Variants in CEP44 observed in about 807,000 individuals in gnomAD.
The protein encoded by CEP44 is centrosomal protein of 44 kDa.
Under a neutral mutation model 46.7 loss-of-function variants are expected in CEP44, and 45 were observed. The ratio of observed to expected loss-of-function variants is 0.96; its 90% CI spans 0.76 to 1.24. CEP44 has a LOEUF of 1.24. Among genes scored for constraint, CEP44 ranks in the 50% most tolerant of loss-of-function variants. The probability of loss-of-function intolerance (pLI) is 0.00; values close to 1 mark genes in which losing one functional copy is unlikely to be tolerated. For synonymous variants in CEP44, 142 were observed against 146.0 expected (o/e 0.97, Z 0.20); for missense variants, 475 against 459.7 (o/e 1.03, Z -0.30).
At chr4:174,293,452 A>G (rs929232571) in intron 1 of CEP44, among the ~76,000 whole-genome samples, 15 of 152,106 alleles carry the variant, frequency 9.9e-5, no homozygotes, top group Non-Finnish European at 1.0e-4. Context: ...CTGTTCCACT[A>G]TCCTTTTCTA....
chr4:174,320,427 T>A, downstream of CEP44: 1 of 541,032 alleles, frequency 1.8e-6, no homozygotes, highest in Non-Finnish European at 2.1e-6. Flanking sequence ...TTTTATAAAC[T>A]ACAACACTTT....
chr4:174,310,013 G>C lies in CEP44; in HGVS notation c.842G>C (p.Ser281Thr), dbSNP rs762020752. 4 of 1,612,516 alleles carry C rather than the reference G, an allele frequency of 2.5e-6. No homozygotes were observed. The highest frequency in any genetic ancestry group is 3.4e-6 in the Non-Finnish European group (4 of 1,179,080). Reference protein sequence around the residue: ...VDENTWTNLLSRVTLLETEML... With the variant: ...VDENTWTNLLTRVTLLETEML... Reference sequence around the variant, plus strand: ...GAAAACACCTGGACTAATCTTCTTAGTCGTGTCACTCTTCTTGAAACAGAA... The same window carrying C: ...GAAAACACCTGGACTAATCTTCTTACTCGTGTCACTCTTCTTGAAACAGAA... Residue 281 changes from serine (S) to threonine (T), a missense_variant, in exon 8 of 12, where the codon AGT becomes ACT. Physicochemically the swap from Ser to Thr is moderately conservative, Grantham distance 58 (BLOSUM62 1). Transcript: ENST00000503780. This position sits in a 1 kb window ranked among gnomAD's most constrained non-coding sequence, Gnocchi z 4.2.
intron 3 of CEP44, among the ~76,000 whole-genome samples, chr4:174,300,333 T>C (rs1579101035): frequency 1.3e-5 from 2 of 152,094 alleles, no homozygotes; most frequent in Admixed American, 6.5e-5. Context: ...GCAGAAGATA[T>C]GAAACAGATG....
chr4:174,293,750 C>G (rs1738506046), intron 1 of CEP44, among the ~76,000 whole-genome samples: 1 of 152,044 alleles, frequency 6.6e-6, no homozygotes, highest in Admixed American at 6.5e-5. Flanking sequence ...AAATGAAGAC[C>G]ACTTTATTCC....
rs560365101 is a variant in CEP44, at chr4:174,312,288, A to G, written c.961+1430A>G. Among the ~76,000 whole-genome samples, 12 of 149,650 alleles carry G rather than the reference A, an allele frequency of 8.0e-5. No homozygotes were observed. The highest frequency in any genetic ancestry group is 2.0e-4 in the Admixed American group (3 of 14,986). On this transcript the variant is annotated intron_variant, in intron 9 of 11. Transcript: ENST00000503780. This position sits in a 1 kb window ranked among gnomAD's most constrained non-coding sequence, Gnocchi z 4.5. ...TAAGTTTTTTTTTTTTAATTTTTTAATTTTTTTGAGATAAGTGTGGTCTTA... is the reference window on the plus strand; with the variant it reads ...TAAGTTTTTTTTTTTTAATTTTTTAGTTTTTTTGAGATAAGTGTGGTCTTA...
intron 1 of CEP44, among the ~76,000 whole-genome samples, chr4:174,295,532 C>T (rs35332594): frequency 0.4 from 58,974 of 148,352 alleles, 12,179 homozygotes; most frequent in Non-Finnish European, 0.47. Flanking sequence ...GGGCTCCTCA[C>T]GTCCCAGACG....
intron 1 of CEP44, among the ~76,000 whole-genome samples, chr4:174,285,095 A>C (rs1034496761): frequency 6.6e-6 from 1 of 152,244 alleles, no homozygotes. Flanking sequence ...CAAGGAAGGA[A>C]GCTAGAAAGG....
At position 174,288,193 on chromosome 4, in the gene CEP44, T is replaced by TA. The variant is rs1737773576; in HGVS notation, c.-148+4251dup. On this transcript the variant is annotated intron_variant, in intron 1 of 11. Transcript: ENST00000503780. This position sits in a 1 kb window ranked among gnomAD's most constrained non-coding sequence, Gnocchi z 4.6. ...CAGTTTCTGTTTGGAGATAAGTAGA[T>TA]ATTGTGAAACCATCCAACCATTATT... is the stretch of plus-strand genomic sequence containing the variant. 1.3e-5 allele frequency among the ~76,000 whole-genome samples: 2 copies of TA among 152,342 alleles called. No homozygotes were observed. Among genetic ancestry groups the TA allele is most frequent in the South Asian group, 4.1e-4 (2 of 4,832 alleles).
intron 9 of CEP44, among the ~76,000 whole-genome samples, chr4:174,315,505 T>TA (rs1255699166): frequency 3.9e-5 from 6 of 152,108 alleles, no homozygotes; most frequent in African/African-American, 1.4e-4. Flanking sequence ...TTAAAAGATA[T>TA]ATATGGTCAG....
chr4:174,295,252 G>A (rs1189199303), intron 1 of CEP44, among the ~76,000 whole-genome samples: 1 of 149,940 alleles, frequency 6.7e-6, no homozygotes, highest in East Asian at 2.0e-4. Flanking sequence ...CAGGCGGAGG[G>A]TCTCCTCACT....
Position 174,310,800 on chromosome 4 carries a change from G to A in CEP44, c.903G>A (p.Glu301=), listed in dbSNP as rs2126639168. Residue 301 remains glutamate, a synonymous_variant, in exon 9 of 12, where the codon GAG becomes GAA. Transcript: ENST00000503780. This position sits in a 1 kb window ranked among gnomAD's most constrained non-coding sequence, Gnocchi z 4.2. ...TATTCCAGAATGATGAATTTATAGA[G>A]TTTAATGAAGTTAGTGAAGACTACG... is the stretch of plus-strand genomic sequence containing the variant. The part of the protein sequence containing the change: ...LLSKKNDEFI[E]FNEVSEDYAS... 2 of 1,488,022 alleles carry A rather than the reference G, an allele frequency of 1.3e-6. No homozygotes were observed. Among genetic ancestry groups the A allele is most frequent in the South Asian group, 1.2e-5 (1 of 83,166 alleles). 92.2% of individuals were successfully genotyped at this position (1,488,022 alleles called of 1,614,324 possible).
chr4:174,310,785 T>G lies in CEP44; in HGVS notation c.888T>G (p.Asn296Lys). Residue 296 changes from asparagine to lysine, a missense_variant and splice_region_variant, in exon 9 of 12, where the codon AAT becomes AAG. By Grantham distance (94) the Asn-to-Lys change is moderately conservative (BLOSUM62 0). Transcript: ENST00000503780. The surrounding 1 kb of genome is among the most constrained non-coding windows in gnomAD (Gnocchi z 4.2). ...AATATTTAACTGTGTTATTCCAGAA[T>G]GATGAATTTATAGAGTTTAATGAAG... Reference protein sequence around the residue: ...LETEMLLSKKNDEFIEFNEVS... With the variant: ...LETEMLLSKKKDEFIEFNEVS... The G allele has an allele frequency of 7.1e-7, 1 of 1,403,150 alleles. No individual in the cohort carries two copies. The allele number at this position is 1,403,150 out of a possible 1,614,324, so 86.9% of individuals were successfully genotyped here.
At chr4:174,284,203 G>A in intron 1 of CEP44, 1 of 397,534 alleles carries the variant, frequency 2.5e-6, no homozygotes, top group Non-Finnish European at 4.4e-6. Flanking sequence ...TCTCTCCGCC[G>A]TCCTTACAGA....
intron 1 of CEP44, among the ~76,000 whole-genome samples, chr4:174,294,778 G>A (rs531638373): frequency 1.3e-4 from 18 of 136,254 alleles, no homozygotes; most frequent in Non-Finnish European, 2.3e-4. Context: ...CCTCCCTCCC[G>A]GACGGTGCGG....
In CEP44 at chr4:174,309,042, G is replaced by A. The variant is rs141748837; in HGVS notation, c.678+183G>A. On this transcript the variant is annotated intron_variant, in intron 7 of 11. Transcript: ENST00000503780. The surrounding 1 kb of genome is among the most constrained non-coding windows in gnomAD (Gnocchi z 5.3). ...TAAAATAATTCAACAAATATTTGCT[G>A]CATATGTGTAGGGTGCTGGGCTAAG... Among the ~76,000 whole-genome samples the A allele has an allele frequency of 3.9e-3, 586 of 152,200 alleles. 3 individuals carry two copies. Among genetic ancestry groups the A allele is most frequent in the Middle Eastern group, 0.017 (5 of 294 alleles).
intron 1 of CEP44, among the ~76,000 whole-genome samples, chr4:174,284,660 C>T (rs1433690975): frequency 6.6e-6 from 1 of 152,110 alleles, no homozygotes. Context: ...TGTGTGAACA[C>T]AGCAGTCCCG....
At chr4:174,330,878 T>C (rs182960593) in intron 8 of CEP44, among the ~76,000 whole-genome samples, 1 of 151,482 alleles carries the variant, frequency 6.6e-6, no homozygotes, top group African/African-American at 2.4e-5. Context: ...ACTAAAAATA[T>C]TTACCATAAT....
chr4:174,302,507 A>G (rs2126591415), intron 4 of CEP44, among the ~76,000 whole-genome samples: 1 of 152,196 alleles, frequency 6.6e-6, no homozygotes, highest in Non-Finnish European at 1.5e-5. Context: ...AATAAAACTT[A>G]CAGTTTTTTA....
chr4:174,332,360 C>T (rs1330496508), exon 9 of CEP44: 3 of 152,188 alleles, frequency 2.0e-5, no homozygotes, highest in African/African-American at 7.2e-5. Context: ...ATGGGGATAG[C>T]ATTTGCTCAT....
Sources: gnomAD v4.1 joint callset for allele counts (sites outside exome capture counted in the v4.1 genomes callset) on GRCh38, gnomAD v4.1.1 for gene constraint, Gnocchi (gnomAD v3.1) non-coding constraint, MANE v1.5 for transcripts, NCBI Gene and HGNC (gene_info 2026-07-23, HGNC 2026-07-21) for gene names.